The following MPP7 variants were observed in gnomAD, a reference collection of about 807,000 sequenced individuals.
The protein encoded by MPP7 is MAGUK p55 scaffold protein 7.
A neutral mutation model predicts 76.5 loss-of-function variants in MPP7; 60 were observed. The ratio of observed to expected loss-of-function variants is 0.78; its 90% confidence interval spans 0.64 to 0.97. The LOEUF is 0.97. Among genes scored for constraint, MPP7 ranks in the 50% least tolerant of loss-of-function variants. The pLI is 0.00. For missense variants in MPP7, 641 were observed against 694.0 expected, an observed-to-expected ratio of 0.92 and a Z score of 0.86; for synonymous variants, 237 against 244.5, an observed-to-expected ratio of 0.97 and a Z score of 0.29.
chr10:28,190,023 C>T (rs1837362009), intron 3 of MPP7, among the ~76,000 whole-genome samples: 1 of 152,054 alleles, frequency 6.6e-6, no homozygotes, highest in African/African-American at 2.4e-5. Context: ...AGATGGAGTA[C>T]ATATGTCAAT....
At chr10:28,299,829 G>T (rs187126712) in intron 1 of MPP7, among the ~76,000 whole-genome samples, 1 of 148,228 alleles carries the variant, frequency 6.7e-6, no homozygotes, top group South Asian at 2.1e-4. Context: ...GCAGTGGCAC[G>T]ATCTCAGCTT....
chr10:28,089,032 C>T (rs769684232), intron 12 of MPP7, among the ~76,000 whole-genome samples: 1 of 152,074 alleles, frequency 6.6e-6, no homozygotes, highest in Non-Finnish European at 1.5e-5. Flanking sequence ...TGTGCTACCA[C>T]GCCTGGCTAA....
At chr10:28,091,455 C>T (rs1853299009) in intron 11 of MPP7, among the ~76,000 whole-genome samples, 1 of 151,734 alleles carries the variant, frequency 6.6e-6, no homozygotes, top group African/African-American at 2.4e-5. Flanking sequence ...GCCCGGCTAA[C>T]TTTTGTATTT....
chr10:28,192,793 C>G (rs1294275703), intron 3 of MPP7, among the ~76,000 whole-genome samples: 6 of 152,064 alleles, frequency 3.9e-5, no homozygotes, highest in Non-Finnish European at 8.8e-5. Flanking sequence ...TATGACAAGG[C>G]AAAAGATTCA....
At chr10:28,262,707 G>A (rs1022176388) in intron 1 of MPP7, among the ~76,000 whole-genome samples, 1 of 152,170 alleles carries the variant, frequency 6.6e-6, no homozygotes, top group African/African-American at 2.4e-5. Flanking sequence ...GTCCAATCAT[G>A]TACACAGCTC....
intron 1 of MPP7, among the ~76,000 whole-genome samples, chr10:28,256,372 T>C (rs772350804): frequency 1.1e-4 from 16 of 148,498 alleles, no homozygotes; most frequent in Non-Finnish European, 2.2e-4. Flanking sequence ...TTAATATGAA[T>C]TCCAATAACA....
chr10:28,291,336 T>C (rs962012701), intron 1 of MPP7, among the ~76,000 whole-genome samples: 1 of 152,224 alleles, frequency 6.6e-6, no homozygotes, highest in Non-Finnish European at 1.5e-5. Flanking sequence ...CAGGGTACGG[T>C]GGCTCACGCC....
intron 3 of MPP7, among the ~76,000 whole-genome samples, chr10:28,152,447 GA>G (rs1330738444): frequency 1.3e-5 from 2 of 152,038 alleles, no homozygotes; most frequent in Non-Finnish European, 2.9e-5. Context: ...TACTATTTAT[GA>G]TAACCAAAAG....
chr10:28,184,615 T>A (rs1465956517), intron 3 of MPP7, among the ~76,000 whole-genome samples: 1 of 149,392 alleles, frequency 6.7e-6, no homozygotes, highest in Admixed American at 6.7e-5. Flanking sequence ...GGCTGACACG[T>A]AAGAATCACT....
rs1851382572 is a variant in MPP7, at chr10:28,052,087, G to C, written c.*1978C>G. On this transcript the variant is annotated 3_prime_UTR_variant, in exon 17 of 17. Coordinates refer to ENST00000683449, the MANE Select transcript of MPP7 (RefSeq NM_001318170.2). Reference sequence around the variant, plus strand: ...TTCTCCCACTTTACACTATATCTCTGTCCCCAAAGTAAATAACTGAAGCAA... The same window carrying C: ...TTCTCCCACTTTACACTATATCTCTCTCCCCAAAGTAAATAACTGAAGCAA... The C allele has an allele frequency of 6.6e-6, 1 of 151,848 alleles. No individual in the cohort carries two copies. The highest frequency in any genetic ancestry group is 1.5e-5 in the Non-Finnish European group (1 of 67,994). 9.4% of individuals were successfully genotyped at this position (151,848 alleles called of 1,614,324 possible).
intron 1 of MPP7, among the ~76,000 whole-genome samples, chr10:28,263,294 A>C (rs2132963503): frequency 6.6e-6 from 1 of 152,278 alleles, no homozygotes; most frequent in East Asian, 1.9e-4. Context: ...GAAATGAGGA[A>C]TGTGACCTGA....
intron 3 of MPP7, among the ~76,000 whole-genome samples, chr10:28,158,494 T>G (rs1422082588): frequency 6.6e-6 from 1 of 152,066 alleles, no homozygotes; most frequent in Non-Finnish European, 1.5e-5. Context: ...CAATCCCTCA[T>G]AGAGAACAGG....
At chr10:28,083,505 A>G (rs1852860258) in intron 12 of MPP7, among the ~76,000 whole-genome samples, 1 of 148,768 alleles carries the variant, frequency 6.7e-6, no homozygotes, top group East Asian at 2.0e-4. Context: ...TTGCATTAAT[A>G]TACCATGCTT....
chr10:28,215,501 T>G (rs1361169268), intron 2 of MPP7, among the ~76,000 whole-genome samples: 1 of 152,080 alleles, frequency 6.6e-6, no homozygotes, highest in East Asian at 1.9e-4. Context: ...TGTGAACAAC[T>G]CAGGGACAGC....
chr10:28,322,381 T>A (rs1477080691), intron 2 of MPP7, among the ~76,000 whole-genome samples: 1 of 151,748 alleles, frequency 6.6e-6, no homozygotes, highest in African/African-American at 2.4e-5. Context: ...TCTAAAAAAA[T>A]AAAATAAAAT....
intron 13 of MPP7, among the ~76,000 whole-genome samples, chr10:28,061,379 T>C (rs1194617879): frequency 6.6e-6 from 1 of 151,572 alleles, no homozygotes; most frequent in Non-Finnish European, 1.5e-5. Context: ...ATAGAAATTG[T>C]AGAAATGAAA....
chr10:28,062,693 C>T (rs1259234675), intron 13 of MPP7, among the ~76,000 whole-genome samples: 4 of 151,918 alleles, frequency 2.6e-5, no homozygotes, highest in East Asian at 3.9e-4. Context: ...TTAAAAACTT[C>T]GACACCATTC....
chr10:28,162,029 C>G (rs1836279428), intron 3 of MPP7, among the ~76,000 whole-genome samples: 1 of 152,186 alleles, frequency 6.6e-6, no homozygotes, highest in African/African-American at 2.4e-5. Flanking sequence ...TCAAATCTGT[C>G]AAATTCTACT....
chr10:28,260,660 T>C (rs1414230796), intron 1 of MPP7, among the ~76,000 whole-genome samples: 1 of 148,560 alleles, frequency 6.7e-6, no homozygotes, highest in Non-Finnish European at 1.5e-5. Context: ...TAGTGCCACC[T>C]ACTCAAGAGG....
Sources: gnomAD v4.1 joint callset for allele counts (sites outside exome capture counted in the v4.1 genomes callset) on GRCh38, gnomAD v4.1.1 for gene constraint, MANE v1.5 for transcripts, NCBI Gene and HGNC (gene_info 2026-07-23, HGNC 2026-07-21) for gene names.